Variants in ABCA6 observed in about 807,000 individuals in gnomAD.
ABCA6 encodes the protein ATP binding cassette subfamily A member 6, also known as ATP-binding cassette sub-family A member 6.
In ABCA6, 164 loss-of-function variants were observed where a neutral mutation model predicts 191.2. The observed-to-expected ratio is 0.86, with a 90% CI of 0.76 to 0.98. ABCA6 has a LOEUF of 0.98. Among genes scored for constraint, ABCA6 ranks in the 50% least tolerant of loss-of-function variants. The pLI, the probability that ABCA6 is intolerant of heterozygous loss-of-function variation, is 0.00. For missense variants in ABCA6, 1,958 were observed against 1,894.1 expected (o/e 1.03, Z -0.63); for synonymous variants, 636 against 647.7 (o/e 0.98, Z 0.27).
Position 69,087,453 on chromosome 17 carries a change from T to G in ABCA6, c.3719A>C (p.Asp1240Ala), listed in dbSNP as rs1478232110. 3 of 1,613,780 alleles carry G rather than the reference T, an allele frequency of 1.9e-6. No individual in the cohort carries two copies. In the African/African-American group the frequency reaches 4.0e-5, roughly 22 times the overall value. The change falls in exon 29 of 39, where the codon GAT (aspartate) becomes GCT (alanine). Residue 1240 changes from aspartate to alanine, a missense_variant. Coordinates refer to ENST00000284425, the MANE Select transcript of ABCA6 (RefSeq NM_080284.3). ...GGGTTCTTCTGGATTTGGCTTAGCA[T>G]CTCTACTTTGGGGGGAAATTCTATG... is the stretch of plus-strand genomic sequence containing the variant. ...PVFRISPQSR[D>A]AKPNPEEPID... is the part of the protein sequence containing the mutation.
Position 69,107,810 on chromosome 17 carries a change from G to C in ABCA6, c.2275C>G (p.Leu759Val), listed in dbSNP as rs749975370. 1 of 1,583,702 alleles carries C rather than the reference G, an allele frequency of 6.3e-7. No individual in the cohort carries two copies. Among genetic ancestry groups the C allele is most frequent in the Admixed American group, 1.7e-5 (1 of 57,776 alleles). The change falls in exon 18 of 39, where the codon CTT becomes GTT. Residue 759 changes from leucine to valine, a missense_variant and splice_region_variant. By Grantham distance (32) the Leu-to-Val change is conservative (BLOSUM62 1). Coordinates refer to ENST00000284425, the MANE Select transcript of ABCA6 (RefSeq NM_080284.3). ...PLERTNTFPDLFSDLDKCSDQ... is the reference protein window; with the variant it reads ...PLERTNTFPDVFSDLDKCSDQ... ...GAACACTTATCCAGATCACTGAAAAGATCTAAGGCAAAAAAATATGAATAG... is the reference window on the plus strand; with the variant it reads ...GAACACTTATCCAGATCACTGAAAACATCTAAGGCAAAAAAATATGAATAG...
intron 3 of ABCA6, 124 bp downstream of exon 3, chr17:69,137,172 G>T (rs2144724179): frequency 3.4e-6 from 3 of 885,526 alleles, no homozygotes; most frequent in Non-Finnish European, 5.1e-6. Flanking sequence ...AGATTTGTAT[G>T]CTATTTTAGT....
chr17:69,130,387 T>G (rs929272839), intron 6 of ABCA6, among the ~76,000 whole-genome samples: 1 of 152,090 alleles, frequency 6.6e-6, no homozygotes, highest in Admixed American at 6.6e-5. Flanking sequence ...GCCTCGTTGG[T>G]ACCTACGTGT....
In ABCA6 at chr17:69,100,796, C is replaced by A; in HGVS notation, c.3012+1G>T. 15 of 1,606,484 alleles carry A rather than the reference C, an allele frequency of 9.3e-6. No homozygotes were observed. The highest frequency in any genetic ancestry group is 1.3e-5 in the Non-Finnish European group (15 of 1,177,172). On this transcript the variant is annotated splice_donor_variant, in intron 22 of 38. Coordinates refer to ENST00000284425, the MANE Select transcript of ABCA6 (RefSeq NM_080284.3). LOFTEE classifies it high-confidence loss of function. ...TTAGACTCAGTAAATCCAATACTTA[C>A]AAGAGGAAATGGGCTTGACTCAATT... is the stretch of plus-strand genomic sequence containing the variant.
In ABCA6 at chr17:69,110,945, T is replaced by C. The variant is rs758933754; in HGVS notation, c.2133-5A>G. 6.3e-7 allele frequency: 1 copy of C among 1,580,848 alleles called. No homozygotes were observed. ...CATATTTCATTCCTATGTAAACTAA[T>C]ATTTAAAAGAAAAGATAAGTCATTT... is the stretch of plus-strand genomic sequence containing the variant. On this transcript the variant is annotated splice_polypyrimidine_tract_variant and splice_region_variant and intron_variant, in intron 16 of 38. Transcript: ENST00000284425.
intron 2 of ABCA6, among the ~76,000 whole-genome samples, chr17:69,140,101 A>T (rs2074005893): frequency 6.6e-6 from 1 of 152,040 alleles, no homozygotes; most frequent in Non-Finnish European, 1.5e-5. Flanking sequence ...GTATAATAAT[A>T]ATAAAAAAAT....
chr17:69,107,767 C>T lies in ABCA6; in HGVS notation c.2318G>A (p.Gly773Asp). The change falls in exon 18 of 39, where the codon GGT becomes GAT. Residue 773 changes from glycine (G) to aspartate (D), a missense_variant. Physicochemically the swap from Gly to Asp is moderately conservative, Grantham distance 94 (BLOSUM62 -1). Coordinates refer to ENST00000284425, the MANE Select transcript of ABCA6 (RefSeq NM_080284.3). ...LDKCSDQGVTGYDISMSTLNE... is the reference protein window; with the variant it reads ...LDKCSDQGVTDYDISMSTLNE... ...TAGAGTTGACATGGAAATGTCATAA[C>T]CTGTCACTCCCTGGTCAGAACACTT... 6.2e-7 allele frequency: 1 copy of T among 1,612,882 alleles called. No homozygotes were observed. The highest frequency in any genetic ancestry group is 1.3e-5 in the African/African-American group (1 of 74,960).
Position 69,083,010 on chromosome 17 carries a change from G to C in ABCA6, c.4479C>G (p.Cys1493Trp), listed in dbSNP as rs747401146. ...VAIMVSGRLR[C>W]IGSIQHLKNK... is the part of the protein sequence containing the mutation. ...TTTTCAGGTGTTGGATGGAGCCAAT[G>C]CATCTATGGGCAAGAAAGAGAATAT... The change falls in exon 36 of 39, where the codon TGC (cysteine) becomes TGG (tryptophan). Residue 1493 changes from cysteine (C) to tryptophan (W), a missense_variant. By Grantham distance (215) the Cys-to-Trp change is radical. Coordinates refer to ENST00000284425, the MANE Select transcript of ABCA6 (RefSeq NM_080284.3). 2 of 1,613,950 alleles carry C rather than the reference G, an allele frequency of 1.2e-6. No individual in the cohort carries two copies. The highest frequency in any genetic ancestry group is 3.3e-5 in the Admixed American group (2 of 59,962).
intron 6 of ABCA6, among the ~76,000 whole-genome samples, chr17:69,131,393 G>A (rs563133018): frequency 1.2e-4 from 18 of 152,208 alleles, no homozygotes; most frequent in African/African-American, 3.6e-4. Context: ...ATCACATTCT[G>A]TAGAACCTAC....
At chr17:69,084,964 T>G in intron 32 of ABCA6, 64 bp downstream of exon 32, 2 of 1,507,646 alleles carry the variant, frequency 1.3e-6, no homozygotes, top group Non-Finnish European at 1.8e-6. Flanking sequence ...TATTAGTGAA[T>G]TCATCATCAG....
At position 69,105,491 on chromosome 17, in the gene ABCA6, C is replaced by A. The variant is rs147647384; in HGVS notation, c.2711G>T (p.Arg904Leu). The change falls in exon 20 of 39, where the codon CGT becomes CTT. Residue 904 changes from arginine (R) to leucine (L), a missense_variant. Coordinates refer to ENST00000284425, the MANE Select transcript of ABCA6 (RefSeq NM_080284.3). ...LSPGQLPQEP[R>L]TSLLIINNTE... ...GTTATTGATGATCAACAGGCTGGTA[C>A]GGGGTTCCTGGGGAAGTTGTCCAGG... is the stretch of plus-strand genomic sequence containing the variant. 2 of 1,609,056 alleles carry A rather than the reference C, an allele frequency of 1.2e-6. No homozygotes were observed. The highest frequency in any genetic ancestry group is 1.7e-6 in the Non-Finnish European group (2 of 1,179,052).
chr17:69,105,549 A>G lies in ABCA6; in HGVS notation c.2653T>C (p.Trp885Arg), dbSNP rs1157933014. Reference protein sequence around the residue: ...MYAMLNEKIDWEFKNELYFLS... With the variant: ...MYAMLNEKIDREFKNELYFLS... Reference sequence around the variant, plus strand: ...AAATACAATTCGTTTTTAAATTCCCAATCGATCTTTTCATTTAACATAGCA... The same window carrying G: ...AAATACAATTCGTTTTTAAATTCCCGATCGATCTTTTCATTTAACATAGCA... Residue 885 changes from tryptophan to arginine, a missense_variant, in exon 20 of 39, where the codon TGG becomes CGG. Transcript: ENST00000284425. 1.9e-6 allele frequency: 3 copies of G among 1,598,668 alleles called. No individual in the cohort carries two copies. The highest frequency in any genetic ancestry group is 2.7e-5 in the African/African-American group (2 of 74,764).
chr17:69,133,589 G>T, intron 6 of ABCA6, 52 bp downstream of exon 6: 1 of 1,313,060 alleles, frequency 7.6e-7, no homozygotes, highest in Non-Finnish European at 1.1e-6. Flanking sequence ...CTTTTTCACT[G>T]CTTCTTAATT....
intron 36 of ABCA6, among the ~76,000 whole-genome samples, chr17:69,082,630 A>AC (rs1335722592): frequency 6.6e-6 from 1 of 152,016 alleles, no homozygotes; most frequent in Non-Finnish European, 1.5e-5. Context: ...CTTTCCAAGT[A>AC]CCCCTCTGGA....
intron 22 of ABCA6, chr17:69,098,612 C>T (rs1390873258): frequency 1.2e-4 from 2 of 16,406 alleles, no homozygotes; most frequent in Non-Finnish European, 1.4e-4. Context: ...GCAACAAGAA[C>T]AAAACTCGGT....
intron 31 of ABCA6, 117 bp from the exon 32 acceptor site, chr17:69,085,299 G>T (rs533510757): frequency 2.1e-6 from 2 of 932,402 alleles, no homozygotes; most frequent in Admixed American, 3.3e-5. Flanking sequence ...AAATACTATA[G>T]AAATTACTTC....
chr17:69,105,470 TTGA>T lies in ABCA6; in HGVS notation c.2729_2731del (p.Ile910del). The T allele has an allele frequency of 6.2e-7, 1 of 1,605,630 alleles. No individual in the cohort carries two copies. Among genetic ancestry groups the T allele is most frequent in the Non-Finnish European group, 8.5e-7 (1 of 1,178,190 alleles). Reference sequence around the variant, plus strand: ...TTTATTTTTCTTTTCACCTGTGTTATTGATGATCAACAGGCTGGTACGGGGTTC... The same window carrying T: ...TTTATTTTTCTTTTCACCTGTGTTATTGATCAACAGGCTGGTACGGGGTTC... On this transcript the variant is annotated inframe_deletion, in exon 20 of 39. Coordinates refer to ENST00000284425, the MANE Select transcript of ABCA6 (RefSeq NM_080284.3).
Position 69,097,896 on chromosome 17 carries a change from C to G in ABCA6, c.3120+24G>C, listed in dbSNP as rs111324669. On this transcript the variant is annotated intron_variant, in intron 23 of 38. Coordinates refer to ENST00000284425, the MANE Select transcript of ABCA6 (RefSeq NM_080284.3). ...ACAGATATTGAAATTCCTGAAATTTCTTCTTTTCCCTGCTTTTTCTTACCT... is the reference window on the plus strand; with the variant it reads ...ACAGATATTGAAATTCCTGAAATTTGTTCTTTTCCCTGCTTTTTCTTACCT... The G allele has an allele frequency of 1.1e-4, 166 of 1,527,956 alleles. No individual in the cohort carries two copies. The African/African-American group carries it at 1.5e-3, about 14-fold the overall frequency. 94.6% of individuals were successfully genotyped at this position (1,527,956 alleles called of 1,614,324 possible).
chr17:69,118,934 T>A (rs143093085), intron 10 of ABCA6, among the ~76,000 whole-genome samples: 29 of 150,632 alleles, frequency 1.9e-4, no homozygotes, highest in African/African-American at 5.1e-4. Context: ...TCTGTCTCTC[T>A]CACACACACA....
Sources: gnomAD v4.1 joint callset for allele counts (sites outside exome capture counted in the v4.1 genomes callset) on GRCh38, gnomAD v4.1.1 for gene constraint, MANE v1.5 for transcripts, NCBI Gene and HGNC (gene_info 2026-07-23, HGNC 2026-07-21) for gene names.